Variants in ASIC2 observed in about 807,000 individuals in gnomAD.
The protein encoded by ASIC2 is acid sensing ion channel subunit 2.
In ASIC2, 25 loss-of-function variants were observed where a neutral mutation model predicts 57.3. The ratio of observed to expected loss-of-function variants is 0.44; its 90% CI spans 0.32 to 0.61. The LOEUF is 0.61. Ranked by LOEUF, ASIC2 falls within the 20% of genes least tolerant of loss-of-function variation. ASIC2 has a pLI of 0.06. For missense variants in ASIC2, 641 were observed against 738.1 expected (o/e 0.87, Z 1.52); for synonymous variants, 319 against 307.5 (o/e 1.04, Z -0.39).
At chr17:33,873,768 C>T (rs533537589) in intron 1 of ASIC2, among the ~76,000 whole-genome samples, 1 of 152,324 alleles carries the variant, frequency 6.6e-6, no homozygotes, top group South Asian at 2.1e-4. Flanking sequence ...CCCCCAGGTA[C>T]TAGTGATACC....
intron 1 of ASIC2, among the ~76,000 whole-genome samples, chr17:33,548,916 A>G (rs1470395153): frequency 6.6e-6 from 1 of 151,994 alleles, no homozygotes; most frequent in Non-Finnish European, 1.5e-5. Context: ...GGCTTCCCTG[A>G]CTATCTAATC....
intron 1 of ASIC2, among the ~76,000 whole-genome samples, chr17:33,867,050 T>A (rs1422529649): frequency 6.6e-6 from 1 of 152,220 alleles, no homozygotes; most frequent in Non-Finnish European, 1.5e-5. Context: ...GCTGCAGACG[T>A]TGATTATCCA....
At chr17:33,601,204 A>G (rs1312573889) in intron 1 of ASIC2, among the ~76,000 whole-genome samples, 2 of 152,244 alleles carry the variant, frequency 1.3e-5, no homozygotes, top group Non-Finnish European at 2.9e-5. Flanking sequence ...GGTGTATACA[A>G]GTGACCATTT....
At chr17:34,085,048 T>C (rs1910053194) in intron 1 of ASIC2, among the ~76,000 whole-genome samples, 1 of 152,232 alleles carries the variant, frequency 6.6e-6, no homozygotes, top group Admixed American at 6.5e-5. Flanking sequence ...CCTGCCTAAT[T>C]GCCGTGGCCA....
At chr17:33,743,859 C>G (rs899605819) in intron 1 of ASIC2, among the ~76,000 whole-genome samples, 1 of 152,168 alleles carries the variant, frequency 6.6e-6, no homozygotes, top group East Asian at 1.9e-4. Context: ...CTCCCTTCCC[C>G]CTGTCTCTGC....
chr17:33,325,833 A>G (rs186059496), intron 1 of ASIC2, among the ~76,000 whole-genome samples: 31 of 152,212 alleles, frequency 2.0e-4, no homozygotes, highest in Admixed American at 2.0e-3. Context: ...GTTAGAATGT[A>G]TAGGATTTGA....
At chr17:33,714,764 T>C (rs1909158635) in intron 1 of ASIC2, among the ~76,000 whole-genome samples, 1 of 151,574 alleles carries the variant, frequency 6.6e-6, no homozygotes, top group Non-Finnish European at 1.5e-5. Context: ...AACCAAATGT[T>C]GTTGTTTCAC....
chr17:33,683,692 C>T (rs946824888), intron 1 of ASIC2, among the ~76,000 whole-genome samples: 2 of 152,152 alleles, frequency 1.3e-5, no homozygotes, highest in South Asian at 2.1e-4. Context: ...CAGGTGCATG[C>T]CACCAGGGCC....
chr17:34,132,140 C>T (rs1465365596), intron 1 of ASIC2, among the ~76,000 whole-genome samples: 1 of 152,144 alleles, frequency 6.6e-6, no homozygotes, highest in Non-Finnish European at 1.5e-5. Flanking sequence ...TGCCACTTAC[C>T]AGAGTATGGC....
At chr17:33,350,357 AT>A (rs1353709980) in intron 1 of ASIC2, among the ~76,000 whole-genome samples, 1 of 152,148 alleles carries the variant, frequency 6.6e-6, no homozygotes, top group East Asian at 1.9e-4. Flanking sequence ...ATCCTTGGGC[AT>A]TTTAGAGCTT....
intron 1 of ASIC2, among the ~76,000 whole-genome samples, chr17:33,977,907 T>C (rs554944626): frequency 6.6e-6 from 1 of 152,296 alleles, no homozygotes; most frequent in African/African-American, 2.4e-5. Context: ...AAGCACGGTG[T>C]CTGCAGCTGC....
At chr17:33,310,779 T>TG (rs1906380684) in intron 1 of ASIC2, among the ~76,000 whole-genome samples, 1 of 152,164 alleles carries the variant, frequency 6.6e-6, no homozygotes, top group African/African-American at 2.4e-5. Context: ...CAAGATTACT[T>TG]GGGGGCCAGG....
rs956154542 is a variant in ASIC2 at position 33,415,841 on chromosome 17, T to C, written c.556-303774A>G. On this transcript the variant is annotated intron_variant, in intron 1 of 9. Coordinates refer to the ASIC2 transcript ENST00000359872. The stretch of plus-strand genomic sequence containing the variant: ...CTGCAGTTAGACATCTTCTTGAGAA[T>C]TGATTGAAAAACCCAGGATACTTGA... Among the ~76,000 whole-genome samples the C allele has an allele frequency of 3.3e-5, 5 of 152,354 alleles. No homozygotes were observed. In the East Asian group the frequency reaches 5.8e-4, roughly 18 times the overall value.
chr17:33,075,470 TC>T (rs1289787637), intron 3 of ASIC2, among the ~76,000 whole-genome samples: 1 of 152,202 alleles, frequency 6.6e-6, no homozygotes, highest in Non-Finnish European at 1.5e-5. Context: ...CTCTCCCTGC[TC>T]TGCCATCAGT....
intron 1 of ASIC2, among the ~76,000 whole-genome samples, chr17:33,839,348 T>C (rs1913361381): frequency 6.6e-6 from 1 of 152,222 alleles, no homozygotes; most frequent in Admixed American, 6.5e-5. Flanking sequence ...AATGATAAAC[T>C]GGCCATCACA....
chr17:33,973,166 G>T (rs1905270668), intron 1 of ASIC2, among the ~76,000 whole-genome samples: 1 of 152,222 alleles, frequency 6.6e-6, no homozygotes, highest in Non-Finnish European at 1.5e-5. Context: ...GACTGAGGTG[G>T]AACACACAGA....
chr17:33,258,080 T>C (rs1448789949), intron 1 of ASIC2, among the ~76,000 whole-genome samples: 1 of 152,248 alleles, frequency 6.6e-6, no homozygotes, highest in Non-Finnish European at 1.5e-5. Context: ...GTATTTTGCA[T>C]GCTTTATCTT....
chr17:33,428,790 T>C (rs1911304000), intron 1 of ASIC2, among the ~76,000 whole-genome samples: 1 of 152,164 alleles, frequency 6.6e-6, no homozygotes, highest in Non-Finnish European at 1.5e-5. Flanking sequence ...TTGTTTTCTG[T>C]CCAGACCACG....
intron 1 of ASIC2, among the ~76,000 whole-genome samples, chr17:33,880,341 A>C (rs1258722179): frequency 6.6e-6 from 1 of 152,234 alleles, no homozygotes; most frequent in African/African-American, 2.4e-5. Flanking sequence ...AAAGATCAAC[A>C]AAATTGATAG....
Sources: gnomAD v4.1 joint callset for allele counts (sites outside exome capture counted in the v4.1 genomes callset) on GRCh38, gnomAD v4.1.1 for gene constraint, MANE v1.5 for transcripts, NCBI Gene and HGNC (gene_info 2026-07-23, HGNC 2026-07-21) for gene names.